Variants in GALNT13 observed in about 807,000 individuals in gnomAD.
GALNT13 encodes UDP-GalNAc:polypeptide N-acetylgalactosaminyltransferase 13.
In GALNT13, 28 loss-of-function variants were observed where a neutral mutation model predicts 64.2. The ratio of observed to expected loss-of-function variants is 0.44; its 90% CI spans 0.32 to 0.60. The LOEUF is 0.60. Among genes scored for constraint, GALNT13 ranks in the 20% least tolerant of loss-of-function variants. The pLI is 0.05. For missense variants in GALNT13, 577 were observed against 669.8 expected, an observed-to-expected ratio of 0.86 and a Z score of 1.53; for synonymous variants, 214 against 224.6, an observed-to-expected ratio of 0.95 and a Z score of 0.42.
intron 3 of GALNT13, among the ~76,000 whole-genome samples, chr2:154,102,313 T>C (rs932886346): frequency 3.9e-5 from 6 of 152,142 alleles, no homozygotes; most frequent in Non-Finnish European, 5.9e-5. Flanking sequence ...CAATCCATTA[T>C]AGCAACTCAG....
At chr2:154,059,991 G>C (rs1326221179) in intron 3 of GALNT13, among the ~76,000 whole-genome samples, 3 of 152,160 alleles carry the variant, frequency 2.0e-5, no homozygotes, top group African/African-American at 7.2e-5. Flanking sequence ...GGTATTTGGA[G>C]ATGGGGGTTT....
At chr2:153,651,375 T>C in the GALNT13 span, among the ~76,000 whole-genome samples, 1 of 152,156 alleles carries the variant, frequency 6.6e-6, no homozygotes, top group Non-Finnish European at 1.5e-5. Context: ...TACCTAATTA[T>C]ATGGAGCAAC....
At chr2:154,006,224 C>T (rs1161672456) in intron 3 of GALNT13, among the ~76,000 whole-genome samples, 1 of 152,044 alleles carries the variant, frequency 6.6e-6, no homozygotes, top group East Asian at 1.9e-4. Flanking sequence ...GATTAGTTAT[C>T]AAGAAAATTA....
chr2:153,464,080 A>C, the GALNT13 span, among the ~76,000 whole-genome samples: 1 of 152,032 alleles, frequency 6.6e-6, no homozygotes, highest in East Asian at 1.9e-4. Flanking sequence ...CCTTAAGCAC[A>C]CCAGGTACCT....
chr2:153,674,554 A>C, the GALNT13 span, among the ~76,000 whole-genome samples: 1 of 152,194 alleles, frequency 6.6e-6, no homozygotes, highest in African/African-American at 2.4e-5. Context: ...TTAACTCATG[A>C]TGGATTAAAG....
At chr2:153,379,488 G>C in the GALNT13 span, among the ~76,000 whole-genome samples, 1 of 152,142 alleles carries the variant, frequency 6.6e-6, no homozygotes, top group Non-Finnish European at 1.5e-5. Flanking sequence ...TGATCTAACT[G>C]ATTAGGCAGC....
chr2:154,253,408 G>A (rs1360337636), intron 7 of GALNT13, among the ~76,000 whole-genome samples: 1 of 152,060 alleles, frequency 6.6e-6, no homozygotes, highest in Non-Finnish European at 1.5e-5. Flanking sequence ...CCAACTTCTG[G>A]TGAAAAACTC....
the GALNT13 span, among the ~76,000 whole-genome samples, chr2:153,137,449 T>C: frequency 2.0e-5 from 3 of 152,190 alleles, no homozygotes; most frequent in South Asian, 6.2e-4. Flanking sequence ...AACCTGAACC[T>C]GAACCTGGTA....
chr2:153,253,111 A>G, the GALNT13 span, among the ~76,000 whole-genome samples: 125,740 of 151,214 alleles, frequency 0.83, 53,526 homozygotes, highest in African/African-American at 0.93. Context: ...AGCATGGGAT[A>G]TTCTTCCATT....
At chr2:154,417,974 ATATTT>A (rs1700096475) in intron 11 of GALNT13, among the ~76,000 whole-genome samples, 1 of 151,978 alleles carries the variant, frequency 6.6e-6, no homozygotes. Flanking sequence ...TTATTTCTCA[ATATTT>A]TATTCTTTAA....
chr2:153,829,706 A>G, the GALNT13 span, among the ~76,000 whole-genome samples: 2 of 152,202 alleles, frequency 1.3e-5, no homozygotes, highest in Non-Finnish European at 2.9e-5. Flanking sequence ...CAAAAAATAT[A>G]GTTTAGAATA....
chr2:153,511,112 TGGA>T, the GALNT13 span, among the ~76,000 whole-genome samples: 2 of 151,990 alleles, frequency 1.3e-5, no homozygotes, highest in African/African-American at 4.8e-5. Context: ...GATGTGGAGT[TGGA>T]GGAGGAGGAT....
the GALNT13 span, among the ~76,000 whole-genome samples, chr2:153,538,298 G>A: frequency 7.2e-6 from 1 of 138,290 alleles, no homozygotes; most frequent in Admixed American, 7.1e-5. Flanking sequence ...TCAGGTAGAA[G>A]AAATTTCTTT....
chr2:154,331,628 G>A (rs183452132), intron 9 of GALNT13, among the ~76,000 whole-genome samples: 270 of 152,100 alleles, frequency 1.8e-3, no homozygotes, highest in African/African-American at 6.1e-3. Flanking sequence ...AAATTTCTGG[G>A]GAGTTAGTTC....
intron 2 of GALNT13, among the ~76,000 whole-genome samples, chr2:153,923,186 C>A (rs1689872201): frequency 6.6e-6 from 1 of 152,178 alleles, no homozygotes; most frequent in South Asian, 2.1e-4. Flanking sequence ...AGGCATGAGC[C>A]ACTGTGCCTG....
chr2:153,130,375 C>G, the GALNT13 span, among the ~76,000 whole-genome samples: 1 of 152,142 alleles, frequency 6.6e-6, no homozygotes, highest in African/African-American at 2.4e-5. Flanking sequence ...CCATTAGGTA[C>G]AATCTCGTGA....
the GALNT13 span, among the ~76,000 whole-genome samples, chr2:153,488,661 A>G: frequency 6.6e-6 from 1 of 152,200 alleles, no homozygotes; most frequent in Non-Finnish European, 1.5e-5. Flanking sequence ...ATTCTGTAAG[A>G]TGCATCTGTG....
chr2:154,313,175 ACTT>A, intron 9 of GALNT13, among the ~76,000 whole-genome samples: 1 of 150,752 alleles, frequency 6.6e-6, no homozygotes, highest in East Asian at 2.0e-4. Context: ...AGTGAATAGA[ACTT>A]AAGTTCTAGC....
the GALNT13 span, among the ~76,000 whole-genome samples, chr2:153,716,064 T>C: frequency 6.6e-6 from 1 of 152,166 alleles, no homozygotes; most frequent in Non-Finnish European, 1.5e-5. Flanking sequence ...CTAAGAGAAA[T>C]ACAACAACAA....
Sources: allele counts gnomAD v4.1 joint callset (sites outside exome capture counted in the v4.1 genomes callset), GRCh38; gene constraint gnomAD v4.1.1; transcripts MANE v1.5; gene names NCBI Gene and HGNC (gene_info 2026-07-23, HGNC 2026-07-21).